Variants in PDE3A observed in about 807,000 individuals in gnomAD.
PDE3A encodes the protein cGMP-inhibited 3',5'-cyclic phosphodiesterase 3A.
A neutral mutation model predicts 98.3 loss-of-function variants in PDE3A; 43 were observed. The observed-to-expected ratio is 0.44, with a 90% CI of 0.34 to 0.56. The LOEUF (loss-of-function observed/expected upper bound fraction) is 0.56. PDE3A is among the 20% of genes least tolerant of loss of function. The pLI, the probability that PDE3A is intolerant of heterozygous loss-of-function variation, is 0.01. For synonymous variants in PDE3A, 663 were observed against 567.9 expected (o/e 1.17, Z -2.38); for missense variants, 1,427 against 1,440.7 (o/e 0.99, Z 0.15).
chr12:20,615,144 T>G (rs1592114188), intron 3 of PDE3A, among the ~76,000 whole-genome samples: 1 of 150,766 alleles, frequency 6.6e-6, no homozygotes, highest in Non-Finnish European at 1.5e-5. Flanking sequence ...CCTCAAGTGA[T>G]CCACCCGCCT....
Position 20,370,003 on chromosome 12 carries a change from T to C in PDE3A, c.719T>C (p.Leu240Pro). 1 of 1,613,018 alleles carries C rather than the reference T, an allele frequency of 6.2e-7. No individual in the cohort carries two copies. Among genetic ancestry groups the C allele is most frequent in the Non-Finnish European group, 8.5e-7 (1 of 1,179,946 alleles). Residue 240 changes from leucine (L) to proline (P), a missense_variant, in exon 1 of 16, where the codon CTG becomes CCG. Leu to Pro is a moderately conservative substitution (Grantham distance 98, BLOSUM62 -3). Transcript: ENST00000359062. ...ERFKVAWRPY[L>P]AYLAGVLGIL... ...TTCAAGGTCGCCTGGAGACCTTACC[T>C]GGCGTACCTGGCCGGCGTGCTGGGG...
intron 14 of PDE3A, among the ~76,000 whole-genome samples, chr12:20,651,883 G>A (rs1944927651): frequency 6.6e-6 from 1 of 151,964 alleles, no homozygotes; most frequent in Admixed American, 6.6e-5. Flanking sequence ...TCATCATTTA[G>A]CATTAGATAT....
chr12:20,546,787 T>TGGCATGTGG (rs1330983816), intron 1 of PDE3A, among the ~76,000 whole-genome samples: 1 of 152,084 alleles, frequency 6.6e-6, no homozygotes, highest in Admixed American at 6.6e-5. Flanking sequence ...GGTGTCTTTG[T>TGGCATGTGG]GGCATGTGGT....
rs969890516 is a variant in PDE3A, at chr12:20,572,833, G to A, written c.1011+16123G>A. ...CACGGTCCTTCCAATTCTGAAGTTC[G>A]TGCATGTATTTTATGTTTTACTTAG... On this transcript the variant is annotated intron_variant, in intron 2 of 15. Coordinates refer to ENST00000359062, the MANE Select transcript of PDE3A (RefSeq NM_000921.5). Among the ~76,000 whole-genome samples, 5 of 152,008 alleles carry A rather than the reference G, an allele frequency of 3.3e-5. No individual in the cohort carries two copies. The East Asian group carries it at 5.8e-4, about 18-fold the overall frequency.
At chr12:20,406,730 C>T (rs909443187) in intron 1 of PDE3A, among the ~76,000 whole-genome samples, 12 of 152,008 alleles carry the variant, frequency 7.9e-5, no homozygotes, top group African/African-American at 2.7e-4. Flanking sequence ...TACTGGTTTA[C>T]TTTTGCTTTT....
At chr12:20,663,842 T>C (rs1026131320) in intron 15 of PDE3A, among the ~76,000 whole-genome samples, 1 of 152,086 alleles carries the variant, frequency 6.6e-6, no homozygotes, top group Non-Finnish European at 1.5e-5. Context: ...AAGATTGTGT[T>C]TTGAAATGTG....
intron 1 of PDE3A, among the ~76,000 whole-genome samples, chr12:20,389,548 A>C (rs1464921497): frequency 6.6e-6 from 1 of 151,904 alleles, no homozygotes; most frequent in African/African-American, 2.4e-5. Flanking sequence ...TTCTCCTTGG[A>C]AAACTTACAC....
At chr12:20,551,747 C>T (rs574593231) in intron 1 of PDE3A, 3 of 1,609,596 alleles carry the variant, frequency 1.9e-6, no homozygotes, top group East Asian at 4.5e-5. Flanking sequence ...GTGGTACTGG[C>T]GGGAGAGCGG....
intron 10 of PDE3A, among the ~76,000 whole-genome samples, chr12:20,640,489 T>A (rs2121513841): frequency 6.6e-6 from 1 of 152,144 alleles, no homozygotes; most frequent in South Asian, 2.1e-4. Context: ...AGGATGATGG[T>A]CTGATGAATA....
chr12:20,425,514 A>G (rs1172988750), intron 1 of PDE3A, among the ~76,000 whole-genome samples: 2 of 152,184 alleles, frequency 1.3e-5, no homozygotes, highest in South Asian at 4.1e-4. Flanking sequence ...TATAAAATTG[A>G]TATTTAAAAA....
chr12:20,645,804 A>T (rs1469759059), intron 10 of PDE3A, among the ~76,000 whole-genome samples: 1 of 152,104 alleles, frequency 6.6e-6, no homozygotes, highest in Non-Finnish European at 1.5e-5. Context: ...TGATGGCATT[A>T]TCTGGTTTTC....
intron 1 of PDE3A, among the ~76,000 whole-genome samples, chr12:20,472,299 C>A (rs1353464368): frequency 3.9e-5 from 6 of 152,116 alleles, no homozygotes; most frequent in African/African-American, 1.4e-4. Context: ...CCTTTTATTT[C>A]TTTCAGGGTG....
At chr12:20,370,319 C>G in intron 1 of PDE3A, 75 bp downstream of exon 1, 1 of 1,332,714 alleles carries the variant, frequency 7.5e-7, no homozygotes, top group Non-Finnish European at 9.9e-7. Flanking sequence ...TGGAGAGAAT[C>G]CGAGCGCTGG....
intron 1 of PDE3A, among the ~76,000 whole-genome samples, chr12:20,450,841 A>C (rs1243732064): frequency 6.6e-6 from 1 of 152,232 alleles, no homozygotes; most frequent in Non-Finnish European, 1.5e-5. Context: ...TAGGGATTTG[A>C]AGAATAGCAT....
At chr12:20,653,740 T>C (rs1944974560) in intron 14 of PDE3A, among the ~76,000 whole-genome samples, 1 of 152,182 alleles carries the variant, frequency 6.6e-6, no homozygotes, top group African/African-American at 2.4e-5. Context: ...AATTTAGACT[T>C]TCTGTATTTC....
At chr12:20,576,866 G>T (rs1278442992) in intron 2 of PDE3A, among the ~76,000 whole-genome samples, 1 of 151,936 alleles carries the variant, frequency 6.6e-6, no homozygotes, top group Non-Finnish European at 1.5e-5. Context: ...ACAAGATTCA[G>T]CAACCTAGAG....
chr12:20,671,902 G>T (rs2120429421), intron 15 of PDE3A, among the ~76,000 whole-genome samples: 1 of 146,260 alleles, frequency 6.8e-6, no homozygotes, highest in South Asian at 2.3e-4. Flanking sequence ...AAAAGAGGAA[G>T]TCAAATTGTC....
intron 5 of PDE3A, among the ~76,000 whole-genome samples, chr12:20,622,373 A>G (rs1191933891): frequency 6.6e-6 from 1 of 152,102 alleles, no homozygotes; most frequent in Non-Finnish European, 1.5e-5. Context: ...ATTTTGGCTC[A>G]CCTTTCTGAG....
chr12:20,388,963 T>C (rs1253114797), intron 1 of PDE3A, among the ~76,000 whole-genome samples: 1 of 152,012 alleles, frequency 6.6e-6, no homozygotes, highest in Non-Finnish European at 1.5e-5. Context: ...TTTGCAGAAA[T>C]AAATTTGAGA....
Sources: gnomAD v4.1 joint callset for allele counts (sites outside exome capture counted in the v4.1 genomes callset) on GRCh38, gnomAD v4.1.1 for gene constraint, MANE v1.5 for transcripts, NCBI Gene and HGNC (gene_info 2026-07-23, HGNC 2026-07-21) for gene names.